The following SCFD2 variants were observed in gnomAD, a reference collection of about 807,000 sequenced individuals.
SCFD2 encodes the protein sec1 family domain containing 2, also known as sec1 family domain-containing protein 2.
SCFD2 carries 54 observed loss-of-function variants against 58.9 expected under a neutral mutation model. The observed-to-expected ratio is 0.92, with a 90% CI of 0.74 to 1.15. The LOEUF (loss-of-function observed/expected upper bound fraction) is 1.15. SCFD2 is among the 50% of genes most tolerant of loss of function. SCFD2 has a pLI of 0.00. For missense variants in SCFD2, 805 were observed against 836.6 expected, an observed-to-expected ratio of 0.96 and a Z score of 0.47; for synonymous variants, 321 against 335.9, an observed-to-expected ratio of 0.96 and a Z score of 0.49.
At position 53,332,150 on chromosome 4, in the gene SCFD2, C is replaced by A. The variant is rs1733499307; in HGVS notation, c.1008-18387G>T. ...AGTCCAGGACCAGACGGATTCACAG[C>A]CGAATTCTATCAGAGGTACAAGGAG... On this transcript the variant is annotated intron_variant, in intron 2 of 8. Coordinates refer to ENST00000401642, the MANE Select transcript of SCFD2 (RefSeq NM_152540.4). Among the ~76,000 whole-genome samples the A allele has an allele frequency of 2.7e-5, 4 of 150,720 alleles. No individual in the cohort carries two copies. In the South Asian group the frequency reaches 8.5e-4, roughly 32 times the overall value.
chr4:53,218,453 A>T (rs1257092116), intron 4 of SCFD2, among the ~76,000 whole-genome samples: 1 of 152,112 alleles, frequency 6.6e-6, no homozygotes, highest in African/African-American at 2.4e-5. Flanking sequence ...AAGCTTGTGC[A>T]TTCGTCACAT....
intron 3 of SCFD2, among the ~76,000 whole-genome samples, chr4:53,295,195 G>C (rs1359932179): frequency 1.3e-5 from 2 of 152,090 alleles, no homozygotes; most frequent in African/African-American, 4.8e-5. Context: ...ATGGTAGCTT[G>C]ATGGGGATAG....
chr4:53,052,399 C>T (rs1258580546), intron 5 of SCFD2, among the ~76,000 whole-genome samples: 1 of 152,184 alleles, frequency 6.6e-6, no homozygotes, highest in Non-Finnish European at 1.5e-5. Flanking sequence ...TTGCTCGTTA[C>T]GAACTTCTTG....
intron 2 of SCFD2, among the ~76,000 whole-genome samples, chr4:53,319,486 T>G (rs1457060483): frequency 6.6e-6 from 1 of 152,040 alleles, no homozygotes; most frequent in Admixed American, 6.6e-5. Flanking sequence ...TCTAACTCTA[T>G]GTACAACATG....
intron 4 of SCFD2, among the ~76,000 whole-genome samples, chr4:53,175,942 TG>T (rs1727315524): frequency 1.3e-5 from 2 of 152,208 alleles, no homozygotes; most frequent in Non-Finnish European, 2.9e-5. Context: ...CCCAAGACTG[TG>T]AATTTATAAC....
chr4:52,944,324 G>A (rs1294839765), intron 5 of SCFD2, among the ~76,000 whole-genome samples: 1 of 152,150 alleles, frequency 6.6e-6, no homozygotes, highest in Non-Finnish European at 1.5e-5. Context: ...CTGGTTGTGG[G>A]AGAAGACATT....
chr4:52,896,285 A>G (rs1719010589), intron 7 of SCFD2, among the ~76,000 whole-genome samples: 1 of 152,094 alleles, frequency 6.6e-6, no homozygotes, highest in Non-Finnish European at 1.5e-5. Flanking sequence ...CTAAGTTTTT[A>G]TGGTTTTAGG....
intron 4 of SCFD2, among the ~76,000 whole-genome samples, chr4:53,204,222 C>G (rs1465159577): frequency 6.6e-6 from 1 of 151,992 alleles, no homozygotes; most frequent in Non-Finnish European, 1.5e-5. Context: ...CAACCTGGAA[C>G]TATCCAATAT....
intron 6 of SCFD2, among the ~76,000 whole-genome samples, chr4:52,919,472 T>C (rs970218509): frequency 5.3e-5 from 8 of 152,236 alleles, no homozygotes; most frequent in Admixed American, 5.2e-4. Flanking sequence ...TGAAAATCTT[T>C]ATGTTTCTAA....
Position 53,105,333 on chromosome 4 carries a change from C to A in SCFD2, c.1561+40000G>T, listed in dbSNP as rs1360986582. On this transcript the variant is annotated intron_variant, in intron 5 of 8. Coordinates refer to ENST00000401642, the MANE Select transcript of SCFD2 (RefSeq NM_152540.4). Reference sequence around the variant, plus strand: ...AGTGGCACCTGGAATACCACCGAGACAGAGCCGTTCACTCCCCTGGAAAGG... The same window carrying A: ...AGTGGCACCTGGAATACCACCGAGAAAGAGCCGTTCACTCCCCTGGAAAGG... 2.0e-5 allele frequency among the ~76,000 whole-genome samples: 3 copies of A among 151,726 alleles called. No individual in the cohort carries two copies. In the East Asian group the frequency reaches 5.8e-4, roughly 30 times the overall value.
intron 4 of SCFD2, among the ~76,000 whole-genome samples, chr4:53,211,871 C>A (rs1728624004): frequency 6.6e-6 from 1 of 151,968 alleles, no homozygotes; most frequent in African/African-American, 2.4e-5. Flanking sequence ...CTCTTTGGAG[C>A]CCACAATAAC....
At chr4:52,903,612 A>G (rs1268598034) in intron 7 of SCFD2, among the ~76,000 whole-genome samples, 1 of 152,200 alleles carries the variant, frequency 6.6e-6, no homozygotes, top group Non-Finnish European at 1.5e-5. Context: ...GGATGCAGAA[A>G]AGAATAAGAC....
intron 5 of SCFD2, among the ~76,000 whole-genome samples, chr4:53,003,530 T>C (rs1721909430): frequency 6.6e-6 from 1 of 152,224 alleles, no homozygotes; most frequent in Non-Finnish European, 1.5e-5. Context: ...AAGTTTTATT[T>C]GCAGTTAGAT....
intron 3 of SCFD2, among the ~76,000 whole-genome samples, chr4:53,311,677 C>CCT (rs1732695768): frequency 1.3e-5 from 2 of 151,340 alleles, no homozygotes; most frequent in African/African-American, 2.4e-5. Flanking sequence ...CACTCTGTTG[C>CCT]CAGGCTGGAG....
intron 5 of SCFD2, among the ~76,000 whole-genome samples, chr4:52,930,280 TG>T (rs1251764832): frequency 6.6e-6 from 1 of 152,024 alleles, no homozygotes; most frequent in Non-Finnish European, 1.5e-5. Flanking sequence ...ATTTAATAAG[TG>T]GTGCTGGGAA....
At chr4:53,145,276 G>A in intron 5 of SCFD2, 57 bp downstream of exon 5, 1 of 1,582,446 alleles carries the variant, frequency 6.3e-7, no homozygotes, top group Non-Finnish European at 8.6e-7. Context: ...TATTTATTTT[G>A]AAACCTGTTT....
At chr4:52,878,198 C>T (rs1718524497) in intron 8 of SCFD2, among the ~76,000 whole-genome samples, 1 of 152,144 alleles carries the variant, frequency 6.6e-6, no homozygotes, top group African/African-American at 2.4e-5. Context: ...TAGCACAGTG[C>T]CTGACACATA....
intron 7 of SCFD2, among the ~76,000 whole-genome samples, chr4:52,886,979 C>T (rs1376884316): frequency 6.6e-6 from 1 of 152,170 alleles, no homozygotes; most frequent in Non-Finnish European, 1.5e-5. Context: ...CAGCCTGTGG[C>T]TACTCTATTT....
intron 3 of SCFD2, among the ~76,000 whole-genome samples, chr4:53,302,678 T>A (rs1455688155): frequency 1.3e-5 from 2 of 152,174 alleles, no homozygotes; most frequent in Non-Finnish European, 2.9e-5. Context: ...ACTAGAGGCA[T>A]CAAGCTACCT....
Sources: gnomAD v4.1 joint callset for allele counts (sites outside exome capture counted in the v4.1 genomes callset) on GRCh38, gnomAD v4.1.1 for gene constraint, MANE v1.5 for transcripts, NCBI Gene and HGNC (gene_info 2026-07-23, HGNC 2026-07-21) for gene names.